The following RANBP2 variants were observed in gnomAD, a reference collection of about 807,000 sequenced individuals.
The protein encoded by RANBP2 is E3 SUMO-protein ligase RanBP2.
RANBP2 carries 57 observed loss-of-function variants against 303.6 expected under a neutral mutation model. The ratio of observed to expected loss-of-function variants is 0.19; its 90% CI spans 0.15 to 0.23. The LOEUF (loss-of-function observed/expected upper bound fraction) is 0.23, where lower values mean the gene tolerates loss of function less well. Among genes scored for constraint, RANBP2 ranks in the 10% least tolerant of loss-of-function variants. The probability of loss-of-function intolerance (pLI) is 1.00; values close to 1 mark genes in which losing one functional copy is unlikely to be tolerated. For synonymous variants in RANBP2, 1,167 were observed against 1,301.5 expected, an observed-to-expected ratio of 0.90 and a Z score of 2.23; for missense variants, 3,138 against 3,780.8, an observed-to-expected ratio of 0.83 and a Z score of 4.46.
At chr2:108,914,556 G>A in the RANBP2 span, among the ~76,000 whole-genome samples, 4 of 152,172 alleles carry the variant, frequency 2.6e-5, no homozygotes, top group Admixed American at 1.3e-4. Context: ...TCACTAAGAC[G>A]CAACCATTCA....
At chr2:109,145,513 G>C in the RANBP2 span, among the ~76,000 whole-genome samples, 1 of 152,202 alleles carries the variant, frequency 6.6e-6, no homozygotes, top group Non-Finnish European at 1.5e-5. Context: ...AGGCTGCAGA[G>C]AAGCCCTCAT....
At chr2:109,347,218 C>T in the RANBP2 span, among the ~76,000 whole-genome samples, 2 of 152,162 alleles carry the variant, frequency 1.3e-5, no homozygotes, top group Non-Finnish European at 2.9e-5. Flanking sequence ...GAAATAGGAG[C>T]CAGTGGAAAA....
chr2:109,300,196 GA>G, the RANBP2 span, among the ~76,000 whole-genome samples: 8 of 152,194 alleles, frequency 5.3e-5, no homozygotes, highest in African/African-American at 1.4e-4. Context: ...AGGGCATCCT[GA>G]AATTTTTTTT....
the RANBP2 span, among the ~76,000 whole-genome samples, chr2:108,917,788 G>A: frequency 3.3e-5 from 5 of 152,080 alleles, no homozygotes; most frequent in Non-Finnish European, 7.4e-5. Flanking sequence ...AAGAACAGGT[G>A]AGCAGATCCG....
the RANBP2 span, chr2:109,398,614 A>G: frequency 1.3e-6 from 2 of 1,583,236 alleles, no homozygotes; most frequent in Non-Finnish European, 1.7e-6. Flanking sequence ...CAAGCAGCTC[A>G]TTGAGATGGA....
chr2:108,849,746 G>A, the RANBP2 span, among the ~76,000 whole-genome samples: 1 of 152,206 alleles, frequency 6.6e-6, no homozygotes, highest in South Asian at 2.1e-4. Context: ...CTTATAGTCT[G>A]GCCTCTCCCA....
chr2:109,281,385 G>C, the RANBP2 span, among the ~76,000 whole-genome samples: 1 of 152,206 alleles, frequency 6.6e-6, no homozygotes, highest in Non-Finnish European at 1.5e-5. Context: ...GGAGAGGGAA[G>C]GACTAGCTCT....
chr2:109,231,593 C>T, the RANBP2 span, among the ~76,000 whole-genome samples: 18 of 152,304 alleles, frequency 1.2e-4, no homozygotes, highest in African/African-American at 3.9e-4. Flanking sequence ...TACTTCTTTC[C>T]ACCTACTAGT....
At chr2:109,695,987 A>G in the RANBP2 span, among the ~76,000 whole-genome samples, 4 of 150,920 alleles carry the variant, frequency 2.7e-5, no homozygotes, top group African/African-American at 7.3e-5. Flanking sequence ...TTTTTGAGAT[A>G]GAGTCTCACT....
the RANBP2 span, chr2:108,798,280 C>A: frequency 1.5e-6 from 1 of 683,130 alleles, no homozygotes; most frequent in Non-Finnish European, 2.5e-6. Context: ...ACTTGCTATA[C>A]TAGTCTAGCT....
At chr2:108,854,762 G>A in the RANBP2 span, among the ~76,000 whole-genome samples, 1 of 152,096 alleles carries the variant, frequency 6.6e-6, no homozygotes, top group Non-Finnish European at 1.5e-5. Context: ...CCTGTTTATA[G>A]GTGAAGAGTA....
At chr2:109,157,619 C>A in the RANBP2 span, among the ~76,000 whole-genome samples, 1 of 152,158 alleles carries the variant, frequency 6.6e-6, no homozygotes, top group Admixed American at 6.5e-5. Flanking sequence ...TCCTGAATCC[C>A]AGTCTAGTGT....
chr2:109,133,998 G>A, the RANBP2 span, among the ~76,000 whole-genome samples: 1 of 152,260 alleles, frequency 6.6e-6, no homozygotes, highest in East Asian at 1.9e-4. Flanking sequence ...AGGATAGAGG[G>A]TGTCTATGGT....
At chr2:108,752,074 T>C in intron 12 of RANBP2, 80 bp downstream of exon 12, 1 of 1,601,426 alleles carries the variant, frequency 6.2e-7, no homozygotes, top group Non-Finnish European at 8.5e-7. Context: ...GAAAGTTTTT[T>C]TGTTCTGAAA....
At chr2:109,066,015 G>A in the RANBP2 span, among the ~76,000 whole-genome samples, 2 of 152,118 alleles carry the variant, frequency 1.3e-5, no homozygotes, top group Admixed American at 1.3e-4. Flanking sequence ...TTGGCTCACC[G>A]TAACCTCTGC....
the RANBP2 span, among the ~76,000 whole-genome samples, chr2:108,888,880 G>A: frequency 2.0e-5 from 3 of 151,746 alleles, no homozygotes; most frequent in Admixed American, 2.0e-4. Flanking sequence ...TTTCTTTGAG[G>A]TATATTGTTT....
the RANBP2 span, among the ~76,000 whole-genome samples, chr2:109,531,901 A>G: frequency 1.3e-5 from 2 of 152,256 alleles, no homozygotes; most frequent in African/African-American, 2.4e-5. Context: ...CTCAACCCAC[A>G]TAACTGTAAA....
the RANBP2 span, among the ~76,000 whole-genome samples, chr2:109,580,035 C>T: frequency 6.6e-6 from 1 of 151,926 alleles, no homozygotes; most frequent in East Asian, 2.0e-4. Context: ...GCAGGAGAAT[C>T]GTCTGAACCT....
the RANBP2 span, among the ~76,000 whole-genome samples, chr2:109,021,356 T>C: frequency 6.6e-6 from 1 of 151,882 alleles, no homozygotes; most frequent in Non-Finnish European, 1.5e-5. Flanking sequence ...ACCCCATCTC[T>C]TCTAAACATA....
Sources: allele counts gnomAD v4.1 joint callset (sites outside exome capture counted in the v4.1 genomes callset), GRCh38; gene constraint gnomAD v4.1.1; transcripts MANE v1.5; gene names NCBI Gene and HGNC (gene_info 2026-07-23, HGNC 2026-07-21).